Variants in RUNX2 observed in about 807,000 individuals in gnomAD.
The protein encoded by RUNX2 is runt-related transcription factor 2.
In RUNX2, 10 loss-of-function variants were observed where a neutral mutation model predicts 51.7. The observed-to-expected ratio is 0.19, with a 90% CI of 0.12 to 0.33. The LOEUF (loss-of-function observed/expected upper bound fraction) is 0.33. RUNX2 is among the 10% of genes least tolerant of loss of function. RUNX2 has a pLI of 1.00. For synonymous variants in RUNX2, 276 were observed against 273.6 expected, an observed-to-expected ratio of 1.01 and a Z score of -0.09; for missense variants, 562 against 691.3, an observed-to-expected ratio of 0.81 and a Z score of 2.10.
In RUNX2 at chr6:45,403,038, A is replaced by G. The variant is rs536801789; in HGVS notation, c.59-19555A>G. ...GGTTTAAAAAAGTAATCCATACTCA[A>G]TGGACATTTTTCTTCTTAAGGTTAT... On this transcript the variant is annotated intron_variant, in intron 2 of 8. Coordinates refer to ENST00000647337, the MANE Select transcript of RUNX2 (RefSeq NM_001024630.4). 5.1e-4 allele frequency among the ~76,000 whole-genome samples: 78 copies of G among 152,220 alleles called. 1 individual carries two copies. Among genetic ancestry groups the G allele is most frequent in the Middle Eastern group, 6.8e-3 (2 of 292 alleles).
At chr6:45,332,918 C>T (rs960238944) in intron 2 of RUNX2, among the ~76,000 whole-genome samples, 2 of 151,620 alleles carry the variant, frequency 1.3e-5, no homozygotes, top group Non-Finnish European at 3.0e-5. Flanking sequence ...ATTTTTTCTC[C>T]TATACCAATG....
At chr6:45,360,188 A>T (rs925566623) in intron 2 of RUNX2, among the ~76,000 whole-genome samples, 1 of 152,200 alleles carries the variant, frequency 6.6e-6, no homozygotes, top group African/African-American at 2.4e-5. Flanking sequence ...CACTGACTAT[A>T]GGATAATATT....
chr6:45,477,126 C>A (rs1799978176), intron 5 of RUNX2, among the ~76,000 whole-genome samples: 1 of 152,184 alleles, frequency 6.6e-6, no homozygotes. Context: ...AGATTCAGAA[C>A]CGTTTCAGTG....
intron 2 of RUNX2, among the ~76,000 whole-genome samples, chr6:45,403,201 C>T (rs920668434): frequency 1.2e-4 from 18 of 144,708 alleles, no homozygotes; most frequent in Admixed American, 1.4e-4. Context: ...TTTAAGGTCT[C>T]TTCTTCCATA....
intron 2 of RUNX2, among the ~76,000 whole-genome samples, chr6:45,365,571 C>T (rs766541306): frequency 6.6e-6 from 1 of 150,820 alleles, no homozygotes; most frequent in African/African-American, 2.4e-5. Context: ...AATGTAAAAA[C>T]AGTATTTATT....
chr6:45,452,684 G>A (rs1254867321), intron 5 of RUNX2, among the ~76,000 whole-genome samples: 3 of 151,968 alleles, frequency 2.0e-5, no homozygotes, highest in African/African-American at 4.8e-5. Context: ...ACATGCACAC[G>A]AGCACAGTGT....
At chr6:45,403,422 C>T (rs920554154) in intron 2 of RUNX2, among the ~76,000 whole-genome samples, 4 of 151,554 alleles carry the variant, frequency 2.6e-5, no homozygotes, top group Non-Finnish European at 2.9e-5. Flanking sequence ...TAGTAGAGAC[C>T]GGGTTTCTCC....
chr6:45,338,410 CTG>C (rs1376538344), intron 2 of RUNX2, among the ~76,000 whole-genome samples: 1 of 151,616 alleles, frequency 6.6e-6, no homozygotes, highest in African/African-American at 2.4e-5. Flanking sequence ...TACAATAAAA[CTG>C]GTATCATTTC....
chr6:45,385,652 C>T (rs1266946104), intron 2 of RUNX2, among the ~76,000 whole-genome samples: 1 of 152,184 alleles, frequency 6.6e-6, no homozygotes, highest in Non-Finnish European at 1.5e-5. Context: ...ATAATCCCAG[C>T]ACTTTGGGAG....
At chr6:45,519,429 T>G (rs912268478) in intron 7 of RUNX2, among the ~76,000 whole-genome samples, 4 of 152,212 alleles carry the variant, frequency 2.6e-5, no homozygotes, top group Non-Finnish European at 4.4e-5. Context: ...GCTCACTCTT[T>G]GTGTTGTGCA....
At chr6:45,331,104 G>GGTGTGTGTGTGTGT (rs143223149) in intron 2 of RUNX2, among the ~76,000 whole-genome samples, 1 of 149,606 alleles carries the variant, frequency 6.7e-6, no homozygotes, top group African/African-American at 2.5e-5. Flanking sequence ...TACAATGAGT[G>GGTGTGTGTGTGTGT]GTGTGTGTGT....
intron 3 of RUNX2, among the ~76,000 whole-genome samples, chr6:45,429,452 A>C (rs998605263): frequency 6.6e-6 from 1 of 152,248 alleles, no homozygotes; most frequent in Non-Finnish European, 1.5e-5. Context: ...ATTGAAAAGC[A>C]CATTGCCTCC....
At chr6:45,370,672 TGAAA>T (rs1795911626) in intron 2 of RUNX2, among the ~76,000 whole-genome samples, 1 of 152,140 alleles carries the variant, frequency 6.6e-6, no homozygotes, top group Admixed American at 6.6e-5. Flanking sequence ...AAATCTGAAT[TGAAA>T]ATATCAAAAC....
chr6:45,365,356 C>CA (rs965242582), intron 2 of RUNX2: 7,888 of 936,194 alleles, frequency 8.4e-3, no homozygotes, highest in South Asian at 0.011. Flanking sequence ...TAAGTAAATG[C>CA]AAAAAAAAAA....
At chr6:45,420,674 A>T (rs996749887) in intron 2 of RUNX2, among the ~76,000 whole-genome samples, 5 of 152,168 alleles carry the variant, frequency 3.3e-5, no homozygotes, top group Admixed American at 3.3e-4. Context: ...GGCTTTAAAG[A>T]GTTTGGTAAT....
chr6:45,344,521 G>C (rs536719710), intron 2 of RUNX2, among the ~76,000 whole-genome samples: 1 of 151,092 alleles, frequency 6.6e-6, no homozygotes, highest in East Asian at 1.9e-4. Context: ...ATTTTCCTTT[G>C]AACGTCTAGA....
At chr6:45,407,196 C>T (rs7742209) in intron 2 of RUNX2, among the ~76,000 whole-genome samples, 19,198 of 151,960 alleles carry the variant, frequency 0.13, 1,599 homozygotes, top group African/African-American at 0.23. Flanking sequence ...CTCCGCCTCC[C>T]GGGCTCAAGC....
At chr6:45,412,576 T>C (rs1237399565) in intron 2 of RUNX2, among the ~76,000 whole-genome samples, 1 of 152,198 alleles carries the variant, frequency 6.6e-6, no homozygotes, top group East Asian at 1.9e-4. Context: ...AAATATATTC[T>C]CTGGGCAAAG....
At chr6:45,536,869 A>G (rs949407709) in intron 7 of RUNX2, among the ~76,000 whole-genome samples, 38 of 152,254 alleles carry the variant, frequency 2.5e-4, no homozygotes, top group African/African-American at 8.7e-4. Context: ...CTTCTCAGTT[A>G]TGGTTTTTTT....
Sources: gnomAD v4.1 joint callset for allele counts (sites outside exome capture counted in the v4.1 genomes callset) on GRCh38, gnomAD v4.1.1 for gene constraint, MANE v1.5 for transcripts, NCBI Gene and HGNC (gene_info 2026-07-23, HGNC 2026-07-21) for gene names.